DIS3L2: variants seen among roughly 807,000 people sequenced by gnomAD.
The protein encoded by DIS3L2 is DIS3 like 3'-5' exoribonuclease 2.
DIS3L2 carries 34 observed loss-of-function variants against 97.5 expected under a neutral mutation model. That is an observed-to-expected ratio of 0.35 (90% CI 0.27 to 0.46). The LOEUF (loss-of-function observed/expected upper bound fraction) is 0.46, where lower values mean the gene tolerates loss of function less well. DIS3L2 is among the 20% of genes least tolerant of loss of function. The pLI is 1.00. For synonymous variants in DIS3L2, 435 were observed against 445.2 expected (o/e 0.98, Z 0.29); for missense variants, 1,038 against 1,146.0 (o/e 0.91, Z 1.36).
chr2:232,337,083 A>T lies in DIS3L2; in HGVS notation c.*453A>T. ...CACCCCTCGCTGCTGAGCCGATGTC[A>T]ACACCTGGAACTTTCCTGTCAGTTC... On this transcript the variant is annotated 3_prime_UTR_variant, in exon 21 of 21. Transcript: ENST00000325385. The T allele has an allele frequency of 9.7e-7, 1 of 1,025,740 alleles. No individual in the cohort carries two copies. Among genetic ancestry groups the T allele is most frequent in the Non-Finnish European group, 1.2e-6 (1 of 856,962 alleles). The allele number at this position is 1,025,740 out of a possible 1,614,324, so 63.5% of individuals were successfully genotyped here.
chr2:232,201,579 G>A (rs545416887), intron 9 of DIS3L2, among the ~76,000 whole-genome samples: 1 of 152,340 alleles, frequency 6.6e-6, no homozygotes, highest in South Asian at 2.1e-4. Context: ...CCTGGATCAG[G>A]AGGAAAACTA....
At chr2:232,275,065 C>T (rs1277032173) in intron 13 of DIS3L2, among the ~76,000 whole-genome samples, 1 of 152,058 alleles carries the variant, frequency 6.6e-6, no homozygotes, top group East Asian at 1.9e-4. Flanking sequence ...CTTCCTCCTC[C>T]CTCCTGCCTT....
chr2:232,277,407 T>A (rs1047254337), intron 13 of DIS3L2, among the ~76,000 whole-genome samples: 1 of 152,236 alleles, frequency 6.6e-6, no homozygotes, highest in African/African-American at 2.4e-5. Flanking sequence ...ATTAATACTC[T>A]TATGCATAAA....
Position 232,300,071 on chromosome 2 carries a change from C to A in DIS3L2, c.1691C>A (p.Thr564Asn). The change falls in exon 14 of 21, where the codon ACC becomes AAC. Residue 564 changes from threonine to asparagine, a missense_variant. Physicochemically the swap from Thr to Asn is moderately conservative, Grantham distance 65 (BLOSUM62 0). This residue lies in a region of DIS3L2 where 813 missense variants were observed against 880.1 expected (regional missense o/e 0.92). Transcript: ENST00000325385. ...CTTGCTTTCACTCTGGACCACGAGA[C>A]CGGATTGCCTCAAGGATGTCATATC... The part of the protein sequence containing the change: ...LKLAFTLDHE[T>N]GLPQGCHIYE... 6.2e-7 allele frequency: 1 copy of A among 1,613,970 alleles called. No homozygotes were observed. Among genetic ancestry groups the A allele is most frequent in the Non-Finnish European group, 8.5e-7 (1 of 1,179,888 alleles).
intron 5 of DIS3L2, among the ~76,000 whole-genome samples, chr2:232,072,789 T>G (rs1196622841): frequency 4.0e-5 from 6 of 148,622 alleles, no homozygotes; most frequent in South Asian, 2.2e-4. Flanking sequence ...GTGGGGTGTG[T>G]GTGTGTGTGT....
At position 232,038,507 on chromosome 2, in the gene DIS3L2, A is replaced by G. The variant is rs569805922; in HGVS notation, c.366+8427A>G. Among the ~76,000 whole-genome samples the G allele has an allele frequency of 1.2e-3, 178 of 152,324 alleles. 2 individuals carry two copies. The highest frequency in any genetic ancestry group is 2.1e-3 in the Non-Finnish European group (145 of 68,026). ...TCTACAGAAGTGGATGAGATTGCTTAAAAGAGCAAGGCCAAGTAACCTGGC... is the reference window on the plus strand; with the variant it reads ...TCTACAGAAGTGGATGAGATTGCTTGAAAGAGCAAGGCCAAGTAACCTGGC... On this transcript the variant is annotated intron_variant, in intron 5 of 20. Coordinates refer to ENST00000325385, the MANE Select transcript of DIS3L2 (RefSeq NM_152383.5).
intron 9 of DIS3L2, among the ~76,000 whole-genome samples, chr2:232,201,082 G>C (rs1219925113): frequency 1.3e-5 from 2 of 152,126 alleles, no homozygotes; most frequent in Non-Finnish European, 2.9e-5. Flanking sequence ...GCCCCAAAAG[G>C]GTTTTTGAGA....
chr2:232,003,700 T>C (rs1024451136), intron 1 of DIS3L2, among the ~76,000 whole-genome samples: 5 of 152,186 alleles, frequency 3.3e-5, no homozygotes, highest in Non-Finnish European at 7.3e-5. Flanking sequence ...CTGAAGGATA[T>C]TTTTGCTGGA....
At chr2:232,022,853 A>C (rs988920537) in intron 3 of DIS3L2, among the ~76,000 whole-genome samples, 2 of 152,204 alleles carry the variant, frequency 1.3e-5, no homozygotes, top group Admixed American at 1.3e-4. Context: ...CTCAACAAGA[A>C]ACAGCTGTCT....
chr2:232,106,656 G>C (rs1011652192), intron 6 of DIS3L2, among the ~76,000 whole-genome samples: 1 of 152,066 alleles, frequency 6.6e-6, no homozygotes, highest in Non-Finnish European at 1.5e-5. Flanking sequence ...CAATAATAGC[G>C]AGAGACTTTA....
intron 15 of DIS3L2, 134 bp from the exon 16 acceptor site, chr2:232,330,556 T>G: frequency 1.3e-6 from 1 of 799,256 alleles, no homozygotes; most frequent in Non-Finnish European, 2.1e-6. Flanking sequence ...ACCCATCCCC[T>G]CTGAGCAGGG....
Position 232,263,226 on chromosome 2 carries a change from G to T in DIS3L2, c.1445G>T (p.Gly482Val). ...TTGCAGATCCTTGATGAATGGTTTGGCCGGACCATCATCCGCTCCTGCACC... is the reference window on the plus strand; with the variant it reads ...TTGCAGATCCTTGATGAATGGTTTGTCCGGACCATCATCCGCTCCTGCACC... ...PEGKILDEWF[G>V]RTIIRSCTKL... is the part of the protein sequence containing the mutation. The change falls in exon 13 of 21, where the codon GGC (glycine) becomes GTC (valine). Residue 482 changes from glycine (G) to valine (V), a missense_variant. Coordinates refer to ENST00000325385, the MANE Select transcript of DIS3L2 (RefSeq NM_152383.5). The T allele has an allele frequency of 6.2e-7, 1 of 1,614,152 alleles. No individual in the cohort carries two copies. The highest frequency in any genetic ancestry group is 8.5e-7 in the Non-Finnish European group (1 of 1,180,042).
At chr2:232,043,511 C>A (rs1465210672) in intron 5 of DIS3L2, among the ~76,000 whole-genome samples, 2 of 152,172 alleles carry the variant, frequency 1.3e-5, no homozygotes, top group Non-Finnish European at 2.9e-5. Flanking sequence ...CCTGACTAGC[C>A]ATCTGAAAAG....
intron 1 of DIS3L2, among the ~76,000 whole-genome samples, chr2:232,007,212 T>G: frequency 6.6e-6 from 1 of 152,308 alleles, no homozygotes. Context: ...AGAACACACA[T>G]TAAGAGGGTT....
chr2:232,328,844 T>C (rs529425655), intron 14 of DIS3L2: 60 of 149,798 alleles, frequency 4.0e-4, no homozygotes, highest in African/African-American at 1.4e-3. Context: ...CTTGTGCACA[T>C]GTGTGATCTT....
intron 5 of DIS3L2, among the ~76,000 whole-genome samples, chr2:232,084,554 C>A (rs1185975708): frequency 6.6e-6 from 1 of 152,080 alleles, no homozygotes; most frequent in African/African-American, 2.4e-5. Context: ...TGAGCTCTTG[C>A]AGGAAGGGCC....
chr2:232,064,653 C>T (rs1455196527), intron 5 of DIS3L2, among the ~76,000 whole-genome samples: 1 of 152,094 alleles, frequency 6.6e-6, no homozygotes, highest in Non-Finnish European at 1.5e-5. Flanking sequence ...TTTCTCACTC[C>T]CATGAAAAAT....
chr2:232,106,140 T>C (rs1362521482), intron 6 of DIS3L2, among the ~76,000 whole-genome samples: 1 of 152,182 alleles, frequency 6.6e-6, no homozygotes, highest in Non-Finnish European at 1.5e-5. Flanking sequence ...ATCAGTCCAG[T>C]CCATGCTCAT....
intron 8 of DIS3L2, among the ~76,000 whole-genome samples, chr2:232,138,500 TGGTA>T (rs1698422179): frequency 6.6e-6 from 1 of 152,118 alleles, no homozygotes. Flanking sequence ...AAATAAAACA[TGGTA>T]GGTTTTCCTG....
Sources: allele counts gnomAD v4.1 joint callset (sites outside exome capture counted in the v4.1 genomes callset), GRCh38; gene constraint gnomAD v4.1.1; regional missense constraint gnomAD v4.1.1; transcripts MANE v1.5; gene names NCBI Gene and HGNC (gene_info 2026-07-23, HGNC 2026-07-21).